Variants in NPHP4 observed in about 807,000 individuals in gnomAD.
NPHP4 encodes the protein nephrocystin 4.
Under a neutral mutation model 155.8 loss-of-function variants are expected in NPHP4, and 151 were observed. That is an observed-to-expected ratio of 0.97 (90% CI 0.85 to 1.11). The LOEUF is 1.11. Ranked by LOEUF, NPHP4 falls within the 50% of genes least tolerant of loss-of-function variation. The pLI, the probability that NPHP4 is intolerant of heterozygous loss-of-function variation, is 0.00. For synonymous variants in NPHP4, 845 were observed against 816.8 expected (o/e 1.03, Z -0.59); for missense variants, 1,956 against 1,925.7 (o/e 1.02, Z -0.29).
rs748449029 is a variant in NPHP4, at chr1:5,864,370, A to C, written c.3964T>G (p.Cys1322Gly). The C allele has an allele frequency of 6.8e-6, 11 of 1,609,496 alleles. No homozygotes were observed. Among genetic ancestry groups the C allele is most frequent in the Non-Finnish European group, 7.6e-6 (9 of 1,178,040 alleles). ...ATGAGCGGCTGGCGGCAGCAGAGGC[A>C]CACGAGCCAGGAGGCCACCAGCTGG... The part of the protein sequence containing the change: ...CHQLVASWLV[C>G]LCCRQPLISK... Residue 1322 changes from cysteine to glycine, a missense_variant, in exon 28 of 30, where the codon TGC (cysteine) becomes GGC (glycine). Coordinates refer to ENST00000378156, the MANE Select transcript of NPHP4 (RefSeq NM_015102.5).
At chr1:5,921,447 G>A (rs893176419) in intron 11 of NPHP4, among the ~76,000 whole-genome samples, 10 of 152,278 alleles carry the variant, frequency 6.6e-5, no homozygotes, top group African/African-American at 2.4e-4. Context: ...TTCTTCCCAC[G>A]GTGGTAAGAG....
At chr1:5,904,592 C>T in intron 16 of NPHP4, 25 bp downstream of exon 16, 2 of 1,563,510 alleles carry the variant, frequency 1.3e-6, no homozygotes, top group Non-Finnish European at 1.7e-6. Flanking sequence ...AATGTCTTGC[C>T]TTTGCCATGC....
Position 5,889,759 on chromosome 1 carries a change from G to A in NPHP4, c.2304+1109C>T, listed in dbSNP as rs899822351. ...CAAGCAAGGGCCACGATGACCCTGTGGGGCCCTTGCCATGACCCCAACAGG... is the reference window on the plus strand; with the variant it reads ...CAAGCAAGGGCCACGATGACCCTGTAGGGCCCTTGCCATGACCCCAACAGG... On this transcript the variant is annotated intron_variant, in intron 17 of 29. Coordinates refer to ENST00000378156, the MANE Select transcript of NPHP4 (RefSeq NM_015102.5). The surrounding 1 kb of genome is among the most constrained non-coding windows in gnomAD (Gnocchi z 4.2). 6.6e-6 allele frequency among the ~76,000 whole-genome samples: 1 copy of A among 152,206 alleles called. No homozygotes were observed. The highest frequency in any genetic ancestry group is 1.5e-5 in the Non-Finnish European group (1 of 68,030).
chr1:5,965,923 C>T (rs536841847), intron 5 of NPHP4, among the ~76,000 whole-genome samples: 83 of 152,244 alleles, frequency 5.5e-4, no homozygotes, highest in Non-Finnish European at 8.8e-4. Context: ...TCCCATGAAG[C>T]GGCATGGGAC....
At chr1:5,960,320 T>A (rs983338647) in intron 6 of NPHP4, among the ~76,000 whole-genome samples, 1 of 152,106 alleles carries the variant, frequency 6.6e-6, no homozygotes, top group African/African-American at 2.4e-5. Flanking sequence ...AAACAGTGAC[T>A]TCACAATGAT....
chr1:5,874,426 C>G, intron 22 of NPHP4, 45 bp downstream of exon 22: 1 of 1,456,718 alleles, frequency 6.9e-7, no homozygotes, highest in Non-Finnish European at 9.2e-7. Context: ...AATTTCCCAC[C>G]GTCATCAGCC....
At chr1:5,864,831 G>A in intron 27 of NPHP4, 1 of 546,112 alleles carries the variant, frequency 1.8e-6, no homozygotes, top group South Asian at 2.7e-5. Context: ...GTCTAACTGT[G>A]GCTTCACTAA....
intron 11 of NPHP4, among the ~76,000 whole-genome samples, chr1:5,912,277 G>A (rs944508928): frequency 5.3e-5 from 8 of 152,300 alleles, no homozygotes; most frequent in East Asian, 3.9e-4. Context: ...GGTGGCTCAC[G>A]CCTGTAATCC....
chr1:5,890,556 C>G lies in NPHP4; in HGVS notation c.2304+312G>C, dbSNP rs1408211426. Among the ~76,000 whole-genome samples, 4 of 152,162 alleles carry G rather than the reference C, an allele frequency of 2.6e-5. No individual in the cohort carries two copies. Among genetic ancestry groups the G allele is most frequent in the African/African-American group, 9.7e-5 (4 of 41,450 alleles). ...CCACCTCGGATGCACCTGCCCTCACCACATTCACCACATGGGAGGAGATGA... is the reference window on the plus strand; with the variant it reads ...CCACCTCGGATGCACCTGCCCTCACGACATTCACCACATGGGAGGAGATGA... On this transcript the variant is annotated intron_variant, in intron 17 of 29. Coordinates refer to ENST00000378156, the MANE Select transcript of NPHP4 (RefSeq NM_015102.5). The surrounding 1 kb of genome is among the most constrained non-coding windows in gnomAD (Gnocchi z 4.9).
At chr1:5,870,316 AAAT>A (rs1377519705) in intron 23 of NPHP4, among the ~76,000 whole-genome samples, 1 of 152,246 alleles carries the variant, frequency 6.6e-6, no homozygotes, top group Non-Finnish European at 1.5e-5. Context: ...GCAACAAAAT[AAAT>A]AATGATAGTA....
intron 6 of NPHP4, among the ~76,000 whole-genome samples, chr1:5,957,356 C>T (rs937299593): frequency 1.3e-5 from 2 of 152,228 alleles, no homozygotes; most frequent in East Asian, 3.9e-4. Flanking sequence ...CCCTGAGATT[C>T]CCCTAGGCCC....
In NPHP4 at chr1:5,909,166, G is replaced by GT; in HGVS notation, c.1488dup (p.Pro497ThrfsTer118). 1 of 1,601,300 alleles carries GT rather than the reference G, an allele frequency of 6.2e-7. No homozygotes were observed. Among genetic ancestry groups the GT allele is most frequent in the Non-Finnish European group, 8.5e-7 (1 of 1,174,142 alleles). ...CCTGGACTTACCCCTGGTCCCACAGGTGAGTTCTGCGGGGCAGCGAGAACT... is the reference window on the plus strand; with the variant it reads ...CCTGGACTTACCCCTGGTCCCACAGGTTGAGTTCTGCGGGGCAGCGAGAACT... On this transcript the variant is annotated frameshift_variant, in exon 12 of 30. Coordinates refer to ENST00000378156, the MANE Select transcript of NPHP4 (RefSeq NM_015102.5). LOFTEE classifies it high-confidence loss of function.
At chr1:5,978,071 G>GACAACTGGCTTCCACATAAGATTTT (rs1347234244) in intron 3 of NPHP4, among the ~76,000 whole-genome samples, 199 bp downstream of exon 3, 9 of 151,590 alleles carry the variant, frequency 5.9e-5, no homozygotes, top group Admixed American at 2.0e-4. Context: ...ATCTGTTTAA[G>GACAACTGGCTTCCACATAAGATTTT]ACAACTGGCT....
At chr1:5,951,324 C>T (rs1557816975) in intron 7 of NPHP4, among the ~76,000 whole-genome samples, 1 of 152,208 alleles carries the variant, frequency 6.6e-6, no homozygotes, top group Non-Finnish European at 1.5e-5. Flanking sequence ...GAGGACTCGA[C>T]GCAACAGCAA....
rs201801114 is a variant in NPHP4, at chr1:5,909,177, G to A, written c.1478C>T (p.Pro493Leu). ...PAPVPRVLAA[P>L]QNSPVGPGLS... ...CCCTGGTCCCACAGGTGAGTTCTGC[G>A]GGGCAGCGAGAACTCGAGGTACTGG... The change falls in exon 12 of 30, where the codon CCG becomes CTG. Residue 493 changes from proline to leucine, a missense_variant. Coordinates refer to ENST00000378156, the MANE Select transcript of NPHP4 (RefSeq NM_015102.5). 3.7e-4 allele frequency: 597 copies of A among 1,602,840 alleles called. 1 individual carries two copies. The highest frequency in any genetic ancestry group is 4.0e-4 in the Non-Finnish European group (471 of 1,175,130).
chr1:5,930,444 T>C (rs142368186), intron 10 of NPHP4, among the ~76,000 whole-genome samples: 28 of 152,338 alleles, frequency 1.8e-4, no homozygotes, highest in East Asian at 9.6e-4. Context: ...CTAAGCATAT[T>C]TGAGCTGCAT....
intron 18 of NPHP4, chr1:5,880,740 G>A (rs1643194829): frequency 5.9e-6 from 1 of 168,896 alleles, no homozygotes; most frequent in African/African-American, 2.4e-5. Flanking sequence ...CAAGTGGTGT[G>A]GCCTCGGGAC....
chr1:5,979,635 G>A (rs947294936), intron 2 of NPHP4, among the ~76,000 whole-genome samples: 19 of 152,078 alleles, frequency 1.2e-4, no homozygotes, highest in African/African-American at 4.3e-4. Context: ...CAATCCTCCT[G>A]CCTCATCCTG....
At chr1:5,885,434 A>G (rs1248810674) in intron 18 of NPHP4, among the ~76,000 whole-genome samples, 2 of 152,262 alleles carry the variant, frequency 1.3e-5, no homozygotes, top group Non-Finnish European at 2.9e-5. Flanking sequence ...GGGATCAAAG[A>G]AAGCAATCTG....
Sources: allele counts gnomAD v4.1 joint callset (sites outside exome capture counted in the v4.1 genomes callset), GRCh38; gene constraint gnomAD v4.1.1; non-coding constraint Gnocchi (gnomAD v3.1); transcripts MANE v1.5; gene names NCBI Gene and HGNC (gene_info 2026-07-23, HGNC 2026-07-21).